The following LRRTM3 variants were observed in gnomAD, a reference collection of about 807,000 sequenced individuals.
The protein encoded by LRRTM3 is leucine-rich repeat transmembrane neuronal protein 3.
A neutral mutation model predicts 44.7 loss-of-function variants in LRRTM3; 24 were observed. That is an observed-to-expected ratio of 0.54 (90% confidence interval 0.39 to 0.76). The LOEUF (loss-of-function observed/expected upper bound fraction) is 0.76, where lower values mean the gene tolerates loss of function less well. Among genes scored for constraint, LRRTM3 ranks in the 30% least tolerant of loss-of-function variants. LRRTM3 has a pLI of 0.00. For missense variants in LRRTM3, 587 were observed against 702.2 expected (o/e 0.84, Z 1.85); for synonymous variants, 277 against 278.7 (o/e 0.99, Z 0.06).
chr10:67,032,289 A>G (rs1457595526), intron 2 of LRRTM3, among the ~76,000 whole-genome samples: 1 of 152,176 alleles, frequency 6.6e-6, no homozygotes, highest in Non-Finnish European at 1.5e-5. Context: ...TGTTTCCAGA[A>G]CAAGGGTTAC....
chr10:67,092,085 G>A (rs1242359336), intron 2 of LRRTM3, among the ~76,000 whole-genome samples: 1 of 102,862 alleles, frequency 9.7e-6, no homozygotes, highest in Admixed American at 8.4e-5. Flanking sequence ...TTTCGATAGT[G>A]ACAAGGACTA....
intron 2 of LRRTM3, among the ~76,000 whole-genome samples, chr10:67,071,112 T>C (rs1325689584): frequency 6.6e-6 from 1 of 152,202 alleles, no homozygotes; most frequent in African/African-American, 2.4e-5. Context: ...TCTGTATGTA[T>C]TTTAAATTTC....
intron 2 of LRRTM3, among the ~76,000 whole-genome samples, chr10:67,092,273 T>C (rs1377118935): frequency 6.6e-6 from 1 of 151,832 alleles, no homozygotes; most frequent in African/African-American, 2.4e-5. Flanking sequence ...CTGTGATATA[T>C]GAGGAGAGCA....
At chr10:67,029,184 T>TA (rs1443511354) in intron 2 of LRRTM3, among the ~76,000 whole-genome samples, 23 of 152,186 alleles carry the variant, frequency 1.5e-4, no homozygotes, top group African/African-American at 5.5e-4. Flanking sequence ...CATTACTCCA[T>TA]AAGCTAAATA....
intron 2 of LRRTM3, among the ~76,000 whole-genome samples, chr10:67,020,081 G>T (rs1230197948): frequency 2.0e-5 from 3 of 152,130 alleles, no homozygotes; most frequent in Non-Finnish European, 1.5e-5. Context: ...ACCTTCTCTT[G>T]CAGCACAGTC....
chr10:67,018,688 T>G (rs899554832), intron 2 of LRRTM3, among the ~76,000 whole-genome samples: 1 of 152,208 alleles, frequency 6.6e-6, no homozygotes, highest in Admixed American at 6.5e-5. Flanking sequence ...CCACTTAACC[T>G]CTCTGTGCCT....
intron 2 of LRRTM3, among the ~76,000 whole-genome samples, chr10:67,076,544 G>T (rs868161605): frequency 5.3e-4 from 81 of 152,276 alleles, no homozygotes; most frequent in Middle Eastern, 6.8e-3. Context: ...AGATTCATTT[G>T]AGCACATAGA....
At chr10:66,930,210 C>T (rs990801118) in intron 2 of LRRTM3, among the ~76,000 whole-genome samples, 2 of 152,082 alleles carry the variant, frequency 1.3e-5, no homozygotes, top group African/African-American at 4.8e-5. Flanking sequence ...TCTCAAGGTA[C>T]TTTGATATTG....
intron 2 of LRRTM3, among the ~76,000 whole-genome samples, chr10:67,001,254 T>C (rs560475662): frequency 7.1e-6 from 1 of 141,188 alleles, no homozygotes; most frequent in East Asian, 2.1e-4. Flanking sequence ...TGAGCCGAGA[T>C]GGAGCCACTG....
chr10:66,927,282 C>A lies in LRRTM3; in HGVS notation c.366C>A (p.Ser122=). 6.2e-7 allele frequency: 1 copy of A among 1,614,090 alleles called. No homozygotes were observed. Among genetic ancestry groups the A allele is most frequent in the Non-Finnish European group, 8.5e-7 (1 of 1,180,042 alleles). ...KELILSSNRI[S]YFLNNTFRPV... is the part of the protein sequence containing the mutation. ...TGATTCTTAGTTCCAATAGAATCTC[C>A]TATTTTCTTAACAATACCTTCAGAC... is the stretch of plus-strand genomic sequence containing the variant. Residue 122 remains serine (S), a synonymous_variant, in exon 2 of 3, where the codon TCC becomes TCA. Transcript: ENST00000361320. This position sits in a 1 kb window ranked among gnomAD's most constrained non-coding sequence, Gnocchi z 4.7.
chr10:67,094,732 T>C (rs2131922459), intron 2 of LRRTM3, among the ~76,000 whole-genome samples: 1 of 151,882 alleles, frequency 6.6e-6, no homozygotes, highest in South Asian at 2.1e-4. Context: ...AAAATTATCT[T>C]ACTTGACATT....
intron 2 of LRRTM3, among the ~76,000 whole-genome samples, chr10:67,057,414 T>A (rs1855503553): frequency 6.6e-6 from 1 of 152,048 alleles, no homozygotes; most frequent in African/African-American, 2.4e-5. Flanking sequence ...GACCAACATC[T>A]CTCCATTTCT....
At chr10:67,017,000 G>A (rs575267574) in intron 2 of LRRTM3, among the ~76,000 whole-genome samples, 4 of 152,152 alleles carry the variant, frequency 2.6e-5, no homozygotes, top group East Asian at 3.9e-4. Flanking sequence ...TTCTATATAT[G>A]AGAAGAACCT....
chr10:66,933,688 T>C (rs1034692007), intron 2 of LRRTM3, among the ~76,000 whole-genome samples: 5 of 152,208 alleles, frequency 3.3e-5, no homozygotes, highest in Non-Finnish European at 7.4e-5. Flanking sequence ...CTATTGACTT[T>C]ATCAATTATA....
chr10:66,979,830 T>G (rs1850308988), intron 2 of LRRTM3, among the ~76,000 whole-genome samples: 1 of 152,162 alleles, frequency 6.6e-6, no homozygotes, highest in African/African-American at 2.4e-5. Flanking sequence ...TTGAAAGAAC[T>G]GACATTTCCT....
At chr10:67,049,694 A>C (rs1854964498) in intron 2 of LRRTM3, among the ~76,000 whole-genome samples, 1 of 152,212 alleles carries the variant, frequency 6.6e-6, no homozygotes, top group African/African-American at 2.4e-5. Flanking sequence ...GTCCCTGACA[A>C]GTACAAATTC....
rs189208918 is a variant in LRRTM3 at position 66,978,102 on chromosome 10, G to A, written c.1536+49650G>A. On this transcript the variant is annotated intron_variant, in intron 2 of 2. Transcript: ENST00000361320. The stretch of plus-strand genomic sequence containing the variant: ...CACACACACACACACATGCGATGAC[G>A]TTCCTGAAAATATGATCCTAGATAA... 1.0e-3 allele frequency among the ~76,000 whole-genome samples: 154 copies of A among 151,166 alleles called. 2 individuals are homozygous for A. In the Middle Eastern group the frequency reaches 0.021, roughly 20 times the overall value.
At chr10:66,984,981 T>C (rs1181678009) in intron 2 of LRRTM3, among the ~76,000 whole-genome samples, 3 of 152,134 alleles carry the variant, frequency 2.0e-5, no homozygotes, top group Admixed American at 1.3e-4. Flanking sequence ...CAATCCTCTC[T>C]CTTCTTCACT....
intron 2 of LRRTM3, among the ~76,000 whole-genome samples, chr10:66,930,714 T>A (rs1847331016): frequency 6.6e-6 from 1 of 152,162 alleles, no homozygotes; most frequent in Non-Finnish European, 1.5e-5. Flanking sequence ...TCAAAGCTAC[T>A]TGGAATATAA....
Sources: gnomAD v4.1 joint callset for allele counts (sites outside exome capture counted in the v4.1 genomes callset) on GRCh38, gnomAD v4.1.1 for gene constraint, Gnocchi (gnomAD v3.1) non-coding constraint, MANE v1.5 for transcripts, NCBI Gene and HGNC (gene_info 2026-07-23, HGNC 2026-07-21) for gene names.